FANCM: variants seen among roughly 807,000 people sequenced by gnomAD.
The protein encoded by FANCM is FA complementation group M.
In FANCM, 140 loss-of-function variants were observed where a neutral mutation model predicts 199.5. The ratio of observed to expected loss-of-function variants is 0.70; its 90% CI spans 0.61 to 0.81. The LOEUF is 0.81. FANCM is among the 30% of genes least tolerant of loss of function. FANCM has a pLI of 0.00. For synonymous variants in FANCM, 840 were observed against 836.8 expected (o/e 1.00, Z -0.07); for missense variants, 2,410 against 2,421.4 (o/e 1.00, Z 0.10).
intron 3 of FANCM, among the ~76,000 whole-genome samples, chr14:45,146,028 C>T (rs1368160591): frequency 2.1e-5 from 3 of 142,324 alleles, no homozygotes; most frequent in Admixed American, 7.2e-5. Flanking sequence ...CACTGCACTC[C>T]AGCCTGGGCC....
At chr14:45,164,063 G>A (rs1042044406) in intron 9 of FANCM, among the ~76,000 whole-genome samples, 3 of 151,986 alleles carry the variant, frequency 2.0e-5, no homozygotes, top group South Asian at 2.1e-4. Flanking sequence ...CTCCTGCCTC[G>A]GTCTCCCAAG....
intron 20 of FANCM, among the ~76,000 whole-genome samples, chr14:45,191,066 G>A (rs1232014757): frequency 6.6e-6 from 1 of 152,092 alleles, no homozygotes; most frequent in Non-Finnish European, 1.5e-5. Context: ...CTTATAAATG[G>A]GGTCTGTTAT....
intron 11 of FANCM, among the ~76,000 whole-genome samples, chr14:45,169,777 C>T (rs533200799): frequency 2.3e-4 from 35 of 152,238 alleles, no homozygotes; most frequent in Non-Finnish European, 3.4e-4. Flanking sequence ...ACTATTTAGC[C>T]TTTTCAGTTT....
intron 5 of FANCM, among the ~76,000 whole-genome samples, chr14:45,153,006 G>T (rs571570351): frequency 4.6e-5 from 7 of 152,240 alleles, no homozygotes; most frequent in Non-Finnish European, 5.9e-5. Context: ...CCATTTTAGG[G>T]CATTTGTTAG....
chr14:45,149,285 G>GCACA (rs147489712), intron 4 of FANCM, among the ~76,000 whole-genome samples: 2,561 of 148,062 alleles, frequency 0.017, 27 homozygotes, highest in African/African-American at 0.032. Context: ...TATAGAACAT[G>GCACA]CACACACACA....
At chr14:45,187,155 G>A (rs961841963) in intron 18 of FANCM, among the ~76,000 whole-genome samples, 9 of 151,768 alleles carry the variant, frequency 5.9e-5, no homozygotes, top group East Asian at 1.9e-4. Context: ...TGATTATAGA[G>A]GTTTGAAATT....
chr14:45,147,899 C>G (rs545367104), intron 3 of FANCM, among the ~76,000 whole-genome samples: 16 of 145,930 alleles, frequency 1.1e-4, no homozygotes, highest in Non-Finnish European at 1.5e-4. Flanking sequence ...TCCAAACCGC[C>G]CCCCCCCCAA....
At chr14:45,187,232 C>T (rs1889456800) in intron 18 of FANCM, among the ~76,000 whole-genome samples, 2 of 147,918 alleles carry the variant, frequency 1.4e-5, no homozygotes, top group South Asian at 4.3e-4. Context: ...TAAAGTACCT[C>T]GAAATTCACA....
intron 3 of FANCM, among the ~76,000 whole-genome samples, chr14:45,142,411 A>G (rs969856717): frequency 3.3e-5 from 5 of 150,146 alleles, no homozygotes; most frequent in Admixed American, 2.7e-4. Flanking sequence ...GGTTCAAGCT[A>G]TTCTCCTGCC....
rs368936983 is a variant in FANCM, at chr14:45,181,452, C to T, written c.4245C>T (p.Asn1415=). Residue 1415 remains asparagine (N), a synonymous_variant, in exon 15 of 23, where the codon AAC becomes AAT. Transcript: ENST00000267430. ...TAGATGGACAATTATTAACAAGTAA[C>T]GAAAGTGAAGATGACGAGATTTTCC... ...SVEDGQLLTS[N]ESEDDEIFRR... is the part of the protein sequence containing the mutation. 27 of 1,594,480 alleles carry T rather than the reference C, an allele frequency of 1.7e-5. No individual in the cohort carries two copies. The highest frequency in any genetic ancestry group is 8.3e-5 in the Admixed American group (5 of 59,918).
chr14:45,151,996 A>G (rs549079718), intron 5 of FANCM, among the ~76,000 whole-genome samples: 4 of 150,192 alleles, frequency 2.7e-5, no homozygotes, highest in Admixed American at 2.7e-4. Flanking sequence ...CAATGTAATG[A>G]TTTGAATTAG....
At chr14:45,189,412 TTC>T (rs1839777705) in intron 20 of FANCM, 50 bp downstream of exon 20, 1 of 1,382,126 alleles carries the variant, frequency 7.2e-7, no homozygotes, top group African/African-American at 1.4e-5. Flanking sequence ...CCAGAAGTTT[TTC>T]TTTTTCTTTC....
intron 17 of FANCM, among the ~76,000 whole-genome samples, chr14:45,184,660 C>CAAAAAAAA (rs776110476): frequency 8.0e-5 from 5 of 62,170 alleles, no homozygotes; most frequent in East Asian, 5.3e-4. Flanking sequence ...GACTCTGTCT[C>CAAAAAAAA]AAAAAAAAAA....
rs144104545 is a variant in FANCM, at chr14:45,176,901, T to G, written c.4147T>G (p.Tyr1383Asp). ...FKEALNSTFD[Y>D]SEFSLEKSKS... ...AGAAGCATTGAATTCAACTTTTGAT[T>G]ATTCAGAATTTTCTCTAGAAAAGTC... Residue 1383 changes from tyrosine to aspartate, a missense_variant, in exon 14 of 23, where the codon TAT (tyrosine) becomes GAT (aspartate). Transcript: ENST00000267430. 402 of 1,611,730 alleles carry G rather than the reference T, an allele frequency of 2.5e-4. 1 individual carries two copies. The African/African-American group carries it at 4.9e-3, about 20-fold the overall frequency.
At chr14:45,191,708 GA>G (rs1889778432) in intron 20 of FANCM, among the ~76,000 whole-genome samples, 1 of 152,150 alleles carries the variant, frequency 6.6e-6, no homozygotes, top group African/African-American at 2.4e-5. Context: ...CTTATTACTT[GA>G]AATTAGGAGG....
chr14:45,156,965 A>G (rs1887241642), intron 8 of FANCM, among the ~76,000 whole-genome samples: 1 of 151,464 alleles, frequency 6.6e-6, no homozygotes, highest in African/African-American at 2.4e-5. Context: ...ATGGCTGGGT[A>G]TATACATTTA....
rs1035431829 is a variant in FANCM at position 45,136,000 on chromosome 14, T to A, written c.-32T>A. On this transcript the variant is annotated 5_prime_UTR_variant, in exon 1 of 23. Coordinates refer to ENST00000267430, the MANE Select transcript of FANCM (RefSeq NM_020937.4). ...GGTTGAGCTGCTGCTGCTACGGATATCTGACAGAAGCCTTCGGTGGTTGTC... is the reference window on the plus strand; with the variant it reads ...GGTTGAGCTGCTGCTGCTACGGATAACTGACAGAAGCCTTCGGTGGTTGTC... 1 of 1,611,872 alleles carries A rather than the reference T, an allele frequency of 6.2e-7. No homozygotes were observed. Among genetic ancestry groups the A allele is most frequent in the African/African-American group, 1.3e-5 (1 of 74,880 alleles).
intron 13 of FANCM, among the ~76,000 whole-genome samples, chr14:45,174,749 A>G (rs1379755368): frequency 6.6e-6 from 1 of 152,134 alleles, no homozygotes; most frequent in African/African-American, 2.4e-5. Flanking sequence ...AGAATAATTC[A>G]GTTAAATGTT....
Position 45,170,694 on chromosome 14 carries a change from T to C in FANCM, c.2108T>C (p.Ile703Thr). 6.2e-7 allele frequency: 1 copy of C among 1,610,648 alleles called. No homozygotes were observed. Among genetic ancestry groups the C allele is most frequent in the Non-Finnish European group, 8.5e-7 (1 of 1,176,936 alleles). ...RLRDSDEIKE[I>T]TLPQVQFSSL... ...AGGGACAGTGATGAAATTAAAGAGA[T>C]AACATTGCCTCAAGTTCAGTTTTCT... The change falls in exon 12 of 23, where the codon ATA (isoleucine) becomes ACA (threonine). Residue 703 changes from isoleucine (I) to threonine (T), a missense_variant. Coordinates refer to ENST00000267430, the MANE Select transcript of FANCM (RefSeq NM_020937.4).
Sources: allele counts gnomAD v4.1 joint callset (sites outside exome capture counted in the v4.1 genomes callset), GRCh38; gene constraint gnomAD v4.1.1; transcripts MANE v1.5; gene names NCBI Gene and HGNC (gene_info 2026-07-23, HGNC 2026-07-21).